The following UNC79 variants were observed in gnomAD, a reference collection of about 807,000 sequenced individuals.
UNC79 encodes protein unc-79 homolog.
In UNC79, 37 loss-of-function variants were observed where a neutral mutation model predicts 283.1. That is an observed-to-expected ratio of 0.13 (90% CI 0.10 to 0.17). UNC79 has a LOEUF of 0.17. UNC79 is among the 10% of genes least tolerant of loss of function. UNC79 has a pLI of 1.00. For synonymous variants in UNC79, 1,107 were observed against 1,200.2 expected (o/e 0.92, Z 1.61); for missense variants, 2,272 against 3,211.1 (o/e 0.71, Z 7.07).
At chr14:93,529,468 A>C in intron 10 of UNC79, 142 bp downstream of exon 10, 16 of 842,728 alleles carry the variant, frequency 1.9e-5, no homozygotes, top group Non-Finnish European at 2.7e-5. Flanking sequence ...TATGAAGCAT[A>C]ATATCAATGC....
intron 7 of UNC79, among the ~76,000 whole-genome samples, chr14:93,518,592 G>A (rs2060181749): frequency 6.6e-6 from 1 of 151,600 alleles, no homozygotes; most frequent in South Asian, 2.1e-4. Context: ...CACCTACTGA[G>A]TTCTGTTCTT....
At chr14:93,409,566 C>T (rs894509731) in intron 1 of UNC79, among the ~76,000 whole-genome samples, 1 of 152,096 alleles carries the variant, frequency 6.6e-6, no homozygotes, top group African/African-American at 2.4e-5. Context: ...TGATGGCATG[C>T]TCCTGTAGTC....
chr14:93,612,776 C>T (rs1387751555), intron 26 of UNC79, 21 bp from the exon 28 acceptor site: 5 of 1,604,356 alleles, frequency 3.1e-6, no homozygotes, highest in Non-Finnish European at 3.4e-6. Context: ...CACCCACTGA[C>T]AGCCTTTCTT....
At chr14:93,405,281 C>T (rs2055203726) in intron 1 of UNC79, among the ~76,000 whole-genome samples, 1 of 141,564 alleles carries the variant, frequency 7.1e-6, no homozygotes, top group Non-Finnish European at 1.5e-5. Flanking sequence ...AAAACTCCAT[C>T]TCAAAAAAAA....
chr14:93,339,901 C>T (rs1360184425), intron 1 of UNC79, among the ~76,000 whole-genome samples: 1 of 152,184 alleles, frequency 6.6e-6, no homozygotes, highest in Non-Finnish European at 1.5e-5. Context: ...TGTGGATTGG[C>T]TTGAGTCTGT....
chr14:93,667,135 GGA>G (rs2072289990), intron 40 of UNC79, among the ~76,000 whole-genome samples: 1 of 151,052 alleles, frequency 6.6e-6, no homozygotes, highest in South Asian at 2.1e-4. Flanking sequence ...AAGGAAGGAA[GGA>G]GAGAGAGAAG....
rs556612850 is a variant in UNC79 at position 93,375,034 on chromosome 14, A to T, written c.-351+41511A>T. Among the ~76,000 whole-genome samples the T allele has an allele frequency of 1.9e-4, 29 of 152,158 alleles. No individual in the cohort carries two copies. In the South Asian group the frequency reaches 4.8e-3, roughly 25 times the overall value. On this transcript the variant is annotated intron_variant, in intron 1 of 49. Coordinates refer to the UNC79 transcript ENST00000256339. Reference sequence around the variant, plus strand: ...AGGGGTGGAATGCTATGACTTAGATATTTTTTCCCTCCAAAACTCATGTTG... The same window carrying T: ...AGGGGTGGAATGCTATGACTTAGATTTTTTTTCCCTCCAAAACTCATGTTG...
At chr14:93,419,647 A>C (rs903224146) in intron 1 of UNC79, among the ~76,000 whole-genome samples, 1 of 151,878 alleles carries the variant, frequency 6.6e-6, no homozygotes, top group Non-Finnish European at 1.5e-5. Context: ...ACTTACGCAC[A>C]CAGTGTTAAG....
intron 7 of UNC79, among the ~76,000 whole-genome samples, chr14:93,523,448 T>A (rs553548591): frequency 1.3e-5 from 2 of 152,330 alleles, no homozygotes; most frequent in Non-Finnish European, 2.9e-5. Context: ...GTCTTACTAT[T>A]CATTTCAGTT....
In UNC79 at chr14:93,659,124, A is replaced by G. The variant is rs878981460; in HGVS notation, c.6457-69A>G. The G allele has an allele frequency of 7.4e-5, 94 of 1,276,760 alleles. No individual in the cohort carries two copies. The Admixed American group carries it at 9.8e-4, about 13-fold the overall frequency. 79.1% of individuals were successfully genotyped at this position (1,276,760 alleles called of 1,614,324 possible). A position where few individuals can be genotyped will look rare whatever the true frequency, so the allele number is the denominator to read the frequency against. On this transcript the variant is annotated intron_variant, in intron 38 of 48. Coordinates refer to ENST00000555664, the Ensembl canonical transcript of UNC79. ...CTTTTGCTAAACTAAATGCTTTCAG[A>G]ACATATTTGAAGCAAAAGTTATATT...
chr14:93,586,170 C>T (rs891461324), intron 20 of UNC79, among the ~76,000 whole-genome samples: 2 of 152,156 alleles, frequency 1.3e-5, no homozygotes, highest in Admixed American at 1.3e-4. Flanking sequence ...CATGAGCCAC[C>T]GCGCCCATCC....
intron 32 of UNC79, among the ~76,000 whole-genome samples, chr14:93,638,444 T>A (rs1298248789): frequency 6.6e-6 from 1 of 152,180 alleles, no homozygotes; most frequent in African/African-American, 2.4e-5. Flanking sequence ...AATGAAGTGA[T>A]GAGAACACTA....
chr14:93,568,981 T>C (rs1236281226), intron 14 of UNC79, among the ~76,000 whole-genome samples: 2 of 152,168 alleles, frequency 1.3e-5, no homozygotes, highest in African/African-American at 4.8e-5. Context: ...GAAAAAGGCA[T>C]TGGAGTTTTC....
chr14:93,582,281 G>A (rs1460493374), exon 20 of UNC79: 1 of 1,614,170 alleles, frequency 6.2e-7, no homozygotes, highest in South Asian at 1.1e-5. Flanking sequence ...GGAGGAGGAG[G>A]AGAATCCTGC....
rs1179874240 is a variant in UNC79 at position 93,474,080 on chromosome 14, C to T, written c.144-9C>T. On this transcript the variant is annotated splice_polypyrimidine_tract_variant and intron_variant, in intron 2 of 48. Transcript: ENST00000555664. The surrounding 1 kb of genome is among the most constrained non-coding windows in gnomAD (Gnocchi z 4.1). ...TGTTGTCTCTTTTTTTTCTTTGTCC[C>T]CCCAACAGCATTTTGTCCCGCACAG... 5 of 1,520,550 alleles carry T rather than the reference C, an allele frequency of 3.3e-6. No homozygotes were observed. The Admixed American group carries it at 6.1e-5, about 19-fold the overall frequency. The allele number at this position is 1,520,550 out of a possible 1,614,324, so 94.2% of individuals were successfully genotyped here.
chr14:93,486,339 T>G (rs1165478178), intron 4 of UNC79, among the ~76,000 whole-genome samples: 1 of 152,142 alleles, frequency 6.6e-6, no homozygotes, highest in Non-Finnish European at 1.5e-5. Context: ...GGGTCCTCTC[T>G]CAATTACTGT....
At chr14:93,510,282 T>A (rs909052079) in intron 7 of UNC79, among the ~76,000 whole-genome samples, 2 of 152,156 alleles carry the variant, frequency 1.3e-5, no homozygotes, top group South Asian at 2.1e-4. Context: ...CTTCAAGAAA[T>A]TTTCCCCATT....
At chr14:93,674,287 C>T (rs1056039370) in intron 41 of UNC79, among the ~76,000 whole-genome samples, 3 of 152,056 alleles carry the variant, frequency 2.0e-5, no homozygotes, top group South Asian at 2.1e-4. Context: ...AATGTCTTTG[C>T]CTGGGATTAG....
At chr14:93,486,055 C>T (rs546071883) in intron 4 of UNC79, among the ~76,000 whole-genome samples, 2 of 152,154 alleles carry the variant, frequency 1.3e-5, no homozygotes, top group Non-Finnish European at 2.9e-5. Flanking sequence ...ATATAATCCA[C>T]ACCTATTGTA....
Sources: gnomAD v4.1 joint callset for allele counts (sites outside exome capture counted in the v4.1 genomes callset) on GRCh38, gnomAD v4.1.1 for gene constraint, Gnocchi (gnomAD v3.1) non-coding constraint, MANE v1.5 for transcripts, NCBI Gene and HGNC (gene_info 2026-07-23, HGNC 2026-07-21) for gene names.